The following MGAT4C variants were observed in gnomAD, a reference collection of about 807,000 sequenced individuals.
MGAT4C encodes the protein MGAT4 family member C, also known as alpha-1,3-mannosyl-glycoprotein 4-beta-N-acetylglucosaminyltransferase C.
In MGAT4C, 19 loss-of-function variants were observed where a neutral mutation model predicts 40.1. The ratio of observed to expected loss-of-function variants is 0.47; its 90% confidence interval spans 0.33 to 0.70. The LOEUF (loss-of-function observed/expected upper bound fraction) is 0.70. Among genes scored for constraint, MGAT4C ranks in the 30% least tolerant of loss-of-function variants. The probability of loss-of-function intolerance (pLI) is 0.02; values close to 1 mark genes in which losing one functional copy is unlikely to be tolerated. For missense variants in MGAT4C, 491 were observed against 563.2 expected (o/e 0.87, Z 1.30); for synonymous variants, 181 against 187.1 (o/e 0.97, Z 0.27).
intron 1 of MGAT4C, among the ~76,000 whole-genome samples, chr12:86,809,453 T>C (rs1432487274): frequency 1.3e-5 from 2 of 151,998 alleles, no homozygotes; most frequent in Non-Finnish European, 2.9e-5. Flanking sequence ...TACAAGAAAT[T>C]GACAAATTGG....
chr12:86,347,009 G>A (rs1955049518), intron 3 of MGAT4C, among the ~76,000 whole-genome samples: 1 of 152,082 alleles, frequency 6.6e-6, no homozygotes, highest in South Asian at 2.1e-4. Context: ...GGTTTGCCAG[G>A]GGCTCTCGGG....
At chr12:86,463,509 A>C (rs996854828) in intron 2 of MGAT4C, among the ~76,000 whole-genome samples, 6 of 152,114 alleles carry the variant, frequency 3.9e-5, no homozygotes, top group Non-Finnish European at 7.4e-5. Flanking sequence ...GATCATTCCT[A>C]ATATCTTTTC....
intron 4 of MGAT4C, among the ~76,000 whole-genome samples, chr12:86,302,422 TTGGG>T (rs1953836352): frequency 7.6e-6 from 1 of 131,520 alleles, no homozygotes. Context: ...GGTTGGTTGG[TTGGG>T]TTTGGTTTGG....
intron 4 of MGAT4C, among the ~76,000 whole-genome samples, chr12:86,306,741 T>C (rs374407105): frequency 6.6e-6 from 1 of 150,516 alleles, no homozygotes; most frequent in African/African-American, 2.5e-5. Flanking sequence ...GACCTTTACA[T>C]ATATACATGC....
intron 2 of MGAT4C, among the ~76,000 whole-genome samples, chr12:86,453,868 T>C (rs1296997026): frequency 1.3e-5 from 2 of 152,218 alleles, no homozygotes; most frequent in Admixed American, 6.5e-5. Flanking sequence ...TTTTAAGCTA[T>C]GAGTATCAAC....
At chr12:86,262,771 C>A in intron 4 of MGAT4C, among the ~76,000 whole-genome samples, 1 of 151,828 alleles carries the variant, frequency 6.6e-6, no homozygotes, top group Admixed American at 6.6e-5. Context: ...TTTGATAAAC[C>A]TTTTAAAGGT....
chr12:86,273,901 T>C (rs899671889), intron 4 of MGAT4C, among the ~76,000 whole-genome samples: 1 of 152,224 alleles, frequency 6.6e-6, no homozygotes, highest in African/African-American at 2.4e-5. Flanking sequence ...GCACCTTGTA[T>C]TAGACCGTTC....
chr12:86,386,641 T>C (rs1390324710), intron 3 of MGAT4C, among the ~76,000 whole-genome samples: 2 of 152,200 alleles, frequency 1.3e-5, no homozygotes, highest in African/African-American at 4.8e-5. Flanking sequence ...TTGTTTCACA[T>C]TGTGATCGAA....
chr12:86,711,178 T>A (rs1226706489), intron 2 of MGAT4C, among the ~76,000 whole-genome samples: 1 of 151,924 alleles, frequency 6.6e-6, no homozygotes, highest in Non-Finnish European at 1.5e-5. Flanking sequence ...CCCCCAAAAA[T>A]TTGAAATAAA....
At chr12:86,153,559 A>G (rs1237847662) in intron 1 of MGAT4C, among the ~76,000 whole-genome samples, 1 of 152,192 alleles carries the variant, frequency 6.6e-6, no homozygotes, top group African/African-American at 2.4e-5. Flanking sequence ...TGTAATCACC[A>G]TGCATCCAGG....
chr12:86,072,660 T>C (rs1348858636), intron 1 of MGAT4C, among the ~76,000 whole-genome samples: 4 of 152,056 alleles, frequency 2.6e-5, no homozygotes, highest in Non-Finnish European at 5.9e-5. Context: ...AGCAGGTAGA[T>C]GGAGAGCGAA....
At chr12:86,593,755 AT>A (rs1340694513) in intron 2 of MGAT4C, among the ~76,000 whole-genome samples, 1 of 151,934 alleles carries the variant, frequency 6.6e-6, no homozygotes, top group African/African-American at 2.4e-5. Flanking sequence ...ATAGACTGAG[AT>A]TTTTTTCGGC....
At chr12:86,733,859 T>G (rs1362396864) in intron 1 of MGAT4C, among the ~76,000 whole-genome samples, 1 of 152,116 alleles carries the variant, frequency 6.6e-6, no homozygotes, top group Non-Finnish European at 1.5e-5. Context: ...AAAATGGGAA[T>G]GTAATTAGAA....
chr12:86,353,678 C>T (rs193181118), intron 3 of MGAT4C, among the ~76,000 whole-genome samples: 5 of 152,296 alleles, frequency 3.3e-5, no homozygotes, highest in African/African-American at 4.8e-5. Context: ...ATGATGGTGG[C>T]ATCAGTGGAC....
intron 2 of MGAT4C, among the ~76,000 whole-genome samples, chr12:86,557,563 C>T (rs10776982): frequency 0.84 from 127,904 of 152,136 alleles, 54,290 homozygotes; most frequent in East Asian, 0.96. Context: ...AAAGCTTCAC[C>T]AATCCTTCAC....
Position 86,185,626 on chromosome 12 carries a change from A to G in MGAT4C, c.-57+70613T>C, listed in dbSNP as rs369704875. On this transcript the variant is annotated intron_variant, in intron 1 of 4. Coordinates refer to ENST00000611864, the MANE Select transcript of MGAT4C (RefSeq NM_001351288.2). ...AGTCACTGATGACCAAATATCACTT[A>G]AACATATATGTGACATCTTTACTTT... 2.6e-5 allele frequency among the ~76,000 whole-genome samples: 4 copies of G among 152,206 alleles called. No homozygotes were observed. The East Asian group carries it at 7.7e-4, about 29-fold the overall frequency.
rs550711072 is a variant in MGAT4C, at chr12:86,484,957, A to G, written c.-228-49692T>C. Among the ~76,000 whole-genome samples, 2 of 152,292 alleles carry G rather than the reference A, an allele frequency of 1.3e-5. 1 individual carries two copies. The highest frequency in any genetic ancestry group is 4.8e-5 in the African/African-American group (2 of 41,562). The stretch of plus-strand genomic sequence containing the variant: ...TATCTTCTGGCCATTACTCTTAAGC[A>G]CCATCTACTAGATTACAGTTCAAAT... On this transcript the variant is annotated intron_variant, in intron 2 of 7. Transcript: ENST00000548651.
At chr12:86,358,262 T>C (rs1165374028) in intron 3 of MGAT4C, among the ~76,000 whole-genome samples, 1 of 152,158 alleles carries the variant, frequency 6.6e-6, no homozygotes, top group African/African-American at 2.4e-5. Flanking sequence ...TAAAATACTT[T>C]ACAGACAAGT....
intron 2 of MGAT4C, among the ~76,000 whole-genome samples, chr12:86,503,212 AT>A (rs1958396818): frequency 3.1e-5 from 1 of 31,772 alleles, no homozygotes; most frequent in Non-Finnish European, 5.1e-5. Flanking sequence ...ATATATATAT[AT>A]GAGTTCTGCT....
Sources: gnomAD v4.1 joint callset for allele counts (sites outside exome capture counted in the v4.1 genomes callset) on GRCh38, gnomAD v4.1.1 for gene constraint, MANE v1.5 for transcripts, NCBI Gene and HGNC (gene_info 2026-07-23, HGNC 2026-07-21) for gene names.